GPC5: variants seen among roughly 807,000 people sequenced by gnomAD.
GPC5 encodes glypican-5.
In GPC5, 47 loss-of-function variants were observed where a neutral mutation model predicts 53.9. That is an observed-to-expected ratio of 0.87 (90% CI 0.69 to 1.11). GPC5 has a LOEUF of 1.11. Ranked by LOEUF, GPC5 falls within the 50% of genes most tolerant of loss-of-function variation. The pLI is 0.00. For synonymous variants in GPC5, 286 were observed against 263.3 expected, an observed-to-expected ratio of 1.09 and a Z score of -0.84; for missense variants, 748 against 713.1, an observed-to-expected ratio of 1.05 and a Z score of -0.56.
At position 92,652,220 on chromosome 13, in the gene GPC5, T is replaced by C. The variant is rs1292978625; in HGVS notation, c.1562-214062T>C. Among the ~76,000 whole-genome samples the C allele has an allele frequency of 3.3e-5, 5 of 152,196 alleles. No individual in the cohort carries two copies. In the South Asian group the frequency reaches 8.3e-4, roughly 25 times the overall value. ...TGGTTTAAAATACTTTTCTCAGATA[T>C]ATTTTAACTTCTTTTTGCTACCAAG... On this transcript the variant is annotated intron_variant, in intron 7 of 7. Coordinates refer to ENST00000377067, the MANE Select transcript of GPC5 (RefSeq NM_004466.6).
chr13:92,453,043 A>C (rs1216515385), intron 7 of GPC5, among the ~76,000 whole-genome samples: 1 of 152,164 alleles, frequency 6.6e-6, no homozygotes, highest in Non-Finnish European at 1.5e-5. Flanking sequence ...GCCAGCTGGA[A>C]CTGTGATTGC....
At position 91,422,402 on chromosome 13, in the gene GPC5, G is replaced by A. The variant is rs563195594; in HGVS notation, c.163+23193G>A. 8.5e-5 allele frequency among the ~76,000 whole-genome samples: 13 copies of A among 152,252 alleles called. No individual in the cohort carries two copies. In the South Asian group the frequency reaches 2.5e-3, roughly 29 times the overall value. Reference sequence around the variant, plus strand: ...TGTAATACCAGTGCTTTGGGAGGCCGAGGTGGGTGGATCACCTGAGGTCAG... The same window carrying A: ...TGTAATACCAGTGCTTTGGGAGGCCAAGGTGGGTGGATCACCTGAGGTCAG... On this transcript the variant is annotated intron_variant, in intron 1 of 7. Transcript: ENST00000377067.
rs150903171 is a variant in GPC5 at position 92,148,709 on chromosome 13, G to A, written c.1561+3720G>A. On this transcript the variant is annotated intron_variant, in intron 7 of 7. Coordinates refer to ENST00000377067, the MANE Select transcript of GPC5 (RefSeq NM_004466.6). ...TTAAAAGTCGCCTCACCCCTTGCCT[G>A]ACACCTGCCATTCTTTCACAGTAGC... Among the ~76,000 whole-genome samples, 188 of 152,170 alleles carry A rather than the reference G, an allele frequency of 1.2e-3. 2 individuals carry two copies. In the East Asian group the frequency reaches 0.031, roughly 25 times the overall value.
chr13:91,475,674 A>G (rs1882886321), intron 2 of GPC5, among the ~76,000 whole-genome samples: 1 of 151,336 alleles, frequency 6.6e-6, no homozygotes, highest in South Asian at 2.1e-4. Context: ...TGGTGTATCC[A>G]TTTTGGGGCC....
At chr13:92,638,478 C>G (rs573907477) in intron 7 of GPC5, among the ~76,000 whole-genome samples, 61 of 152,238 alleles carry the variant, frequency 4.0e-4, no homozygotes, top group African/African-American at 1.3e-3. Flanking sequence ...GGATCACCCA[C>G]TCATCTGGCT....
At chr13:91,748,716 A>C (rs937296045) in intron 4 of GPC5, among the ~76,000 whole-genome samples, 1 of 152,208 alleles carries the variant, frequency 6.6e-6, no homozygotes, top group Non-Finnish European at 1.5e-5. Context: ...TAGATGAGAA[A>C]TGAGGATGAA....
At chr13:92,579,844 C>T (rs1480401219) in intron 7 of GPC5, among the ~76,000 whole-genome samples, 1 of 152,198 alleles carries the variant, frequency 6.6e-6, no homozygotes, top group Non-Finnish European at 1.5e-5. Flanking sequence ...TTCTCTCTCT[C>T]TCTCTCTTTC....
chr13:92,116,341 T>G, intron 6 of GPC5, among the ~76,000 whole-genome samples: 1 of 152,036 alleles, frequency 6.6e-6, no homozygotes, highest in East Asian at 1.9e-4. Context: ...GAAGAGGCCA[T>G]CTATAAGTCA....
At chr13:91,741,471 G>C (rs2036931818) in intron 4 of GPC5, among the ~76,000 whole-genome samples, 2 of 152,078 alleles carry the variant, frequency 1.3e-5, no homozygotes. Context: ...GTACATTACA[G>C]AAAAACACAG....
intron 7 of GPC5, among the ~76,000 whole-genome samples, chr13:92,313,224 C>T (rs74107177): frequency 0.023 from 3,443 of 152,264 alleles, 142 homozygotes; most frequent in African/African-American, 0.079. Flanking sequence ...AGCTCATATA[C>T]ATGAGCACTT....
chr13:92,098,396 C>T (rs993659857), intron 6 of GPC5, among the ~76,000 whole-genome samples: 7 of 152,184 alleles, frequency 4.6e-5, no homozygotes, highest in African/African-American at 1.7e-4. Context: ...ATTATTATCT[C>T]AGACCTGTCC....
chr13:92,541,481 T>A (rs1881928804), intron 7 of GPC5, among the ~76,000 whole-genome samples: 1 of 151,910 alleles, frequency 6.6e-6, no homozygotes, highest in African/African-American at 2.4e-5. Context: ...GTTGTGCCTG[T>A]TAAATTCTTT....
At chr13:92,014,171 C>T (rs964469693) in intron 6 of GPC5, among the ~76,000 whole-genome samples, 3 of 152,120 alleles carry the variant, frequency 2.0e-5, no homozygotes, top group Non-Finnish European at 4.4e-5. Flanking sequence ...GTAACTGACA[C>T]TTATGGAGTG....
intron 6 of GPC5, among the ~76,000 whole-genome samples, chr13:92,117,526 T>C (rs1359236387): frequency 6.6e-6 from 1 of 152,216 alleles, no homozygotes; most frequent in Non-Finnish European, 1.5e-5. Flanking sequence ...GAAATCCTTG[T>C]GGCATTTGAT....
chr13:91,572,571 G>A (rs929136191), intron 2 of GPC5, among the ~76,000 whole-genome samples: 1 of 151,832 alleles, frequency 6.6e-6, no homozygotes, highest in East Asian at 1.9e-4. Context: ...GAGGTGCCAG[G>A]CTCTTTAAAC....
At chr13:91,556,902 T>A (rs1378004101) in intron 2 of GPC5, among the ~76,000 whole-genome samples, 1 of 151,828 alleles carries the variant, frequency 6.6e-6, no homozygotes, top group Non-Finnish European at 1.5e-5. Flanking sequence ...CACCACAATC[T>A]CACAAATTGC....
intron 2 of GPC5, among the ~76,000 whole-genome samples, chr13:91,640,218 A>G (rs2034390480): frequency 6.6e-6 from 1 of 152,200 alleles, no homozygotes; most frequent in Admixed American, 6.5e-5. Flanking sequence ...AGAGTGGGAG[A>G]AAATTTTTGC....
chr13:92,168,993 G>A (rs146332614), intron 7 of GPC5, among the ~76,000 whole-genome samples: 16 of 152,186 alleles, frequency 1.1e-4, no homozygotes, highest in Admixed American at 5.9e-4. Context: ...GGAATACTTC[G>A]CAGCCATAAA....
chr13:92,249,607 T>A (rs1460836754), intron 7 of GPC5, among the ~76,000 whole-genome samples: 1 of 152,052 alleles, frequency 6.6e-6, no homozygotes, highest in Admixed American at 6.6e-5. Flanking sequence ...GATGGTCAGA[T>A]GGCACCTGTC....
Sources: allele counts gnomAD v4.1 joint callset (sites outside exome capture counted in the v4.1 genomes callset), GRCh38; gene constraint gnomAD v4.1.1; transcripts MANE v1.5; gene names NCBI Gene and HGNC (gene_info 2026-07-23, HGNC 2026-07-21).